PCLO: variants seen among roughly 807,000 people sequenced by gnomAD.
The protein encoded by PCLO is protein piccolo.
Under a neutral mutation model 427.5 loss-of-function variants are expected in PCLO, and 82 were observed. The observed-to-expected ratio is 0.19, with a 90% CI of 0.16 to 0.23. The LOEUF (loss-of-function observed/expected upper bound fraction) is 0.23, where lower values mean the gene tolerates loss of function less well. Among genes scored for constraint, PCLO ranks in the 10% least tolerant of loss-of-function variants. PCLO has a pLI of 1.00. For missense variants in PCLO, 6,239 were observed against 6,115.9 expected (o/e 1.02, Z -0.67); for synonymous variants, 2,357 against 2,155.4 (o/e 1.09, Z -2.59).
chr7:83,005,994 T>A (rs1346387388), intron 3 of PCLO, among the ~76,000 whole-genome samples: 3 of 151,694 alleles, frequency 2.0e-5, no homozygotes, highest in African/African-American at 7.2e-5. Context: ...TGTTTCCTTA[T>A]GAATAGGTAC....
intron 3 of PCLO, among the ~76,000 whole-genome samples, chr7:83,103,669 T>C (rs1301664085): frequency 6.6e-6 from 1 of 151,974 alleles, no homozygotes; most frequent in Non-Finnish European, 1.5e-5. Context: ...GCTTACCAAA[T>C]TGTCACAGAA....
At chr7:83,160,806 C>T (rs189118973) in intron 1 of PCLO, among the ~76,000 whole-genome samples, 6 of 152,220 alleles carry the variant, frequency 3.9e-5, no homozygotes, top group Admixed American at 2.0e-4. Flanking sequence ...GCATGATAGA[C>T]CTGTTGCTTG....
intron 9 of PCLO, among the ~76,000 whole-genome samples, chr7:82,893,142 T>C (rs924928462): frequency 6.6e-6 from 1 of 152,042 alleles, no homozygotes; most frequent in Non-Finnish European, 1.5e-5. Context: ...ATTGCGGCAC[T>C]ATTCACAATA....
At chr7:83,103,157 A>T (rs1267511854) in intron 3 of PCLO, among the ~76,000 whole-genome samples, 1 of 151,856 alleles carries the variant, frequency 6.6e-6, no homozygotes, top group African/African-American at 2.4e-5. Flanking sequence ...CCACTTGGTT[A>T]TTTTTTTGCC....
chr7:83,105,618 T>C (rs1331941105), intron 3 of PCLO, among the ~76,000 whole-genome samples: 1 of 152,220 alleles, frequency 6.6e-6, no homozygotes, highest in East Asian at 1.9e-4. Context: ...ATGTGTATTC[T>C]GAATTTTCAA....
rs183457636 is a variant in PCLO at position 83,149,279 on chromosome 7, A to G, written c.1893+5469T>C. Among the ~76,000 whole-genome samples the G allele has an allele frequency of 6.5e-3, 991 of 152,190 alleles. 6 individuals carry two copies. The highest frequency in any genetic ancestry group is 9.5e-3 in the Non-Finnish European group (648 of 67,998). ...ACTGCTTTTTATATTTTTTGATTCC[A>G]AGTTAGGGCTTCTCTGAGGTCTCCT... On this transcript the variant is annotated intron_variant, in intron 2 of 24. Transcript: ENST00000333891.
chr7:82,883,813 C>T (rs1793566488), intron 9 of PCLO, among the ~76,000 whole-genome samples: 1 of 152,092 alleles, frequency 6.6e-6, no homozygotes, highest in Non-Finnish European at 1.5e-5. Context: ...CTCTGTTCCC[C>T]AAGCTGGAGT....
intron 3 of PCLO, among the ~76,000 whole-genome samples, chr7:83,074,632 G>A (rs1030358782): frequency 2.3e-4 from 35 of 151,988 alleles, no homozygotes; most frequent in African/African-American, 6.8e-4. Flanking sequence ...TATTTTACAC[G>A]TTCAGTGGTA....
At chr7:82,841,963 C>G (rs1792378982) in intron 13 of PCLO, among the ~76,000 whole-genome samples, 2 of 152,062 alleles carry the variant, frequency 1.3e-5, no homozygotes, top group Admixed American at 1.3e-4. Flanking sequence ...CTCCCTGCTC[C>G]CTTCCAGAGT....
intron 3 of PCLO, among the ~76,000 whole-genome samples, chr7:83,118,901 T>A (rs902315177): frequency 6.6e-6 from 1 of 152,144 alleles, no homozygotes; most frequent in Non-Finnish European, 1.5e-5. Flanking sequence ...AATGTTTATA[T>A]CACCTCTTTC....
At chr7:83,055,294 G>A (rs925957294) in intron 3 of PCLO, among the ~76,000 whole-genome samples, 14 of 152,076 alleles carry the variant, frequency 9.2e-5, no homozygotes, top group African/African-American at 3.4e-4. Flanking sequence ...TTTAGAATGA[G>A]ATTCCTAATG....
rs1405726136 is a variant in PCLO, at chr7:82,760,738, CT to C, written c.15188del (p.Lys5063ArgfsTer2). The C allele has an allele frequency of 1.5e-5, 23 of 1,545,552 alleles. No individual in the cohort carries two copies. The highest frequency in any genetic ancestry group is 3.4e-5 in the Admixed American group (2 of 58,138). On this transcript the variant is annotated frameshift_variant, in exon 24 of 25. Transcript: ENST00000333891. LOFTEE classifies it high-confidence loss of function. ...IYVMNISTQK[K>X]VIKKKTRVCR... ...ATACTCTTGTTTTTTTCTTGATCAC[CT>C]TTTTTTGGGTAGAAATATTCATCAC...
chr7:83,151,790 G>A (rs1421231341), intron 2 of PCLO, among the ~76,000 whole-genome samples: 1 of 152,068 alleles, frequency 6.6e-6, no homozygotes, highest in African/African-American at 2.4e-5. Flanking sequence ...GGAATGATTG[G>A]CTTCTGTTTG....
chr7:83,143,837 T>C (rs1791928055), intron 2 of PCLO, among the ~76,000 whole-genome samples: 1 of 152,178 alleles, frequency 6.6e-6, no homozygotes, highest in Non-Finnish European at 1.5e-5. Context: ...ATTCAAACTT[T>C]TACACCTCAG....
intron 3 of PCLO, among the ~76,000 whole-genome samples, chr7:83,053,072 T>C (rs1216426854): frequency 2.0e-5 from 3 of 152,044 alleles, no homozygotes; most frequent in Non-Finnish European, 4.4e-5. Context: ...ATAATCTGTC[T>C]TTCTTACCTC....
chr7:82,943,633 G>T (rs1795134191), intron 6 of PCLO, among the ~76,000 whole-genome samples: 1 of 152,044 alleles, frequency 6.6e-6, no homozygotes, highest in African/African-American at 2.4e-5. Context: ...TAACCTTCCT[G>T]ATTGAAGTTA....
At chr7:83,102,228 C>G (rs1018353806) in intron 3 of PCLO, among the ~76,000 whole-genome samples, 2 of 151,806 alleles carry the variant, frequency 1.3e-5, no homozygotes, top group African/African-American at 4.8e-5. Flanking sequence ...ATTATCAACT[C>G]CTGCAATTAT....
intron 3 of PCLO, among the ~76,000 whole-genome samples, chr7:83,080,277 G>T (rs1221856395): frequency 6.6e-6 from 1 of 152,136 alleles, no homozygotes; most frequent in African/African-American, 2.4e-5. Flanking sequence ...TCTGGTTCTA[G>T]ATATCTGAGG....
At chr7:83,043,021 G>A (rs1332148594) in intron 3 of PCLO, among the ~76,000 whole-genome samples, 1 of 152,160 alleles carries the variant, frequency 6.6e-6, no homozygotes, top group Non-Finnish European at 1.5e-5. Context: ...TGAGATTTGG[G>A]GTTGAAAGAT....
Sources: allele counts gnomAD v4.1 joint callset (sites outside exome capture counted in the v4.1 genomes callset), GRCh38; gene constraint gnomAD v4.1.1; transcripts MANE v1.5; gene names NCBI Gene and HGNC (gene_info 2026-07-23, HGNC 2026-07-21).